The following ZCCHC10 variants were observed in gnomAD, a reference collection of about 807,000 sequenced individuals.
ZCCHC10 encodes the protein zinc finger CCHC domain-containing protein 10.
Under a neutral mutation model 19.5 loss-of-function variants are expected in ZCCHC10, and 16 were observed. That is an observed-to-expected ratio of 0.82 (90% CI 0.56 to 1.25). The LOEUF is 1.25. Among genes scored for constraint, ZCCHC10 ranks in the 50% most tolerant of loss-of-function variants. The pLI is 0.00. For missense variants in ZCCHC10, 197 were observed against 201.0 expected, an observed-to-expected ratio of 0.98 and a Z score of 0.12; for synonymous variants, 67 against 72.5, an observed-to-expected ratio of 0.92 and a Z score of 0.38.
chr5:133,015,429 T>C (rs1273790841), intron 2 of ZCCHC10, among the ~76,000 whole-genome samples: 3 of 152,158 alleles, frequency 2.0e-5, no homozygotes, highest in African/African-American at 7.2e-5. Context: ...TAAAATATGT[T>C]CACAAATTTT....
intron 2 of ZCCHC10, among the ~76,000 whole-genome samples, chr5:133,018,163 G>C (rs1056272326): frequency 1.4e-5 from 2 of 138,106 alleles, no homozygotes; most frequent in South Asian, 4.6e-4. Context: ...AAAAAAAAAA[G>C]ACAAAATTAA....
At position 132,998,864 on chromosome 5, in the gene ZCCHC10, CAG is replaced by C; in HGVS notation, c.312-16_312-15del. The C allele has an allele frequency of 1.9e-6, 3 of 1,612,448 alleles. No homozygotes were observed. Among genetic ancestry groups the C allele is most frequent in the South Asian group, 2.2e-5 (2 of 90,844 alleles). Reference sequence around the variant, plus strand: ...ACACTCTTAGACCTATTAGACAATACAGAGTTATATACATGGGAAGGTGACAT... The same window carrying C: ...ACACTCTTAGACCTATTAGACAATACAGTTATATACATGGGAAGGTGACAT... On this transcript the variant is annotated splice_polypyrimidine_tract_variant and intron_variant, in intron 4 of 4. Coordinates refer to ENST00000509437, the MANE Select transcript of ZCCHC10 (RefSeq NM_001300816.3).
chr5:133,021,526 T>C (rs1486861186), intron 2 of ZCCHC10, among the ~76,000 whole-genome samples: 1 of 152,214 alleles, frequency 6.6e-6, no homozygotes, highest in East Asian at 1.9e-4. Context: ...GGTTGATCTG[T>C]ACACTCAATG....
intron 2 of ZCCHC10, among the ~76,000 whole-genome samples, chr5:133,007,614 C>T (rs928228942): frequency 5.9e-5 from 9 of 151,910 alleles, no homozygotes; most frequent in African/African-American, 1.9e-4. Flanking sequence ...TTGCTGCCGT[C>T]CATGTAAGAT....
rs567424776 is a variant in ZCCHC10, at chr5:133,008,537, CA to C, written c.108-1618del. The stretch of plus-strand genomic sequence containing the variant: ...TGGGCAACAGGGTGAGACTCCATCT[CA>C]AAAAAAAAAAAAAAAAATCAGAGAA... On this transcript the variant is annotated intron_variant, in intron 2 of 4. Transcript: ENST00000509437. Among the ~76,000 whole-genome samples the C allele has an allele frequency of 4.5e-3, 447 of 98,426 alleles. 2 individuals are homozygous for C. The highest frequency in any genetic ancestry group is 0.01 in the African/African-American group (250 of 24,990). The allele number at this position is 98,426 out of a possible 152,430, so 64.6% of individuals were successfully genotyped here.
chr5:133,010,672 T>G (rs769624163), intron 2 of ZCCHC10, among the ~76,000 whole-genome samples: 1 of 152,162 alleles, frequency 6.6e-6, no homozygotes, highest in Non-Finnish European at 1.5e-5. Flanking sequence ...GGTCTCCTTA[T>G]GTTGCCCAGG....
chr5:133,013,021 A>C (rs1422310941), intron 2 of ZCCHC10, among the ~76,000 whole-genome samples: 2 of 151,216 alleles, frequency 1.3e-5, no homozygotes, highest in Admixed American at 1.3e-4. Flanking sequence ...ACTGCACTCC[A>C]GCCTGGGTGA....
intron 2 of ZCCHC10, among the ~76,000 whole-genome samples, chr5:133,019,548 T>C (rs183790443): frequency 1.3e-5 from 2 of 152,304 alleles, no homozygotes; most frequent in East Asian, 1.9e-4. Context: ...TTAATGCCTA[T>C]TGTTGGCAAA....
chr5:133,016,733 G>A lies in ZCCHC10; in HGVS notation c.107+6108C>T, dbSNP rs943712342. ...GCTGGGATTATAGGTGTGACCCACC[G>A]CGCACAGCTATTTTTCTCTTCTATA... On this transcript the variant is annotated intron_variant, in intron 2 of 4. Transcript: ENST00000509437. Among the ~76,000 whole-genome samples the A allele has an allele frequency of 8.5e-5, 13 of 152,218 alleles. No homozygotes were observed. In the South Asian group the frequency reaches 1.2e-3, roughly 15 times the overall value.
intron 4 of ZCCHC10, 26 bp from the exon 5 acceptor site, chr5:132,998,876 C>A: frequency 6.3e-7 from 1 of 1,598,534 alleles, no homozygotes; most frequent in Non-Finnish European, 8.5e-7. Context: ...GAGTTATATA[C>A]ATGGGAAGGT....
At chr5:133,026,461 A>G (rs1339035635) in intron 1 of ZCCHC10, 36 bp downstream of exon 1, 1 of 1,611,390 alleles carries the variant, frequency 6.2e-7, no homozygotes, top group Non-Finnish European at 8.5e-7. Context: ...CCCCGCTCCC[A>G]GCCCTCCAGT....
intron 2 of ZCCHC10, among the ~76,000 whole-genome samples, chr5:133,016,123 C>T (rs772478148): frequency 2.0e-5 from 3 of 152,096 alleles, no homozygotes; most frequent in African/African-American, 7.2e-5. Flanking sequence ...AAAATATAGG[C>T]TCAGTTTGTA....
At chr5:133,022,793 T>C (rs564151225) in intron 2 of ZCCHC10, 48 bp downstream of exon 2, 1 of 500,252 alleles carries the variant, frequency 2.0e-6, no homozygotes, top group African/African-American at 2.0e-5. Context: ...AGGACACAAA[T>C]GTACATATTT....
intron 3 of ZCCHC10, among the ~76,000 whole-genome samples, chr5:133,005,541 G>A (rs1763065101): frequency 6.6e-6 from 1 of 152,200 alleles, no homozygotes; most frequent in South Asian, 2.1e-4. Context: ...TTGAACCCAG[G>A]AGGTGGAGGT....
intron 1 of ZCCHC10, among the ~76,000 whole-genome samples, chr5:133,023,634 C>T (rs1413444904): frequency 4.0e-5 from 6 of 151,542 alleles, no homozygotes; most frequent in Admixed American, 2.0e-4. Context: ...ATTAGCCAGG[C>T]GGGTAGCACA....
Position 133,022,890 on chromosome 5 carries a change from G to A in ZCCHC10, c.58C>T (p.Gln20Ter), listed in dbSNP as rs1476069563. The change falls in exon 2 of 5, where the codon CAG becomes TAG. Residue 20 changes from glutamine (Q) to a stop codon, truncating the protein, a stop_gained. Transcript: ENST00000509437. LOFTEE classifies it high-confidence loss of function. ...ARRQAFDTEL[Q>*]PVKTFWILIQ... Reference sequence around the variant, plus strand: ...AGGATCCAAAAGGTCTTGACAGGCTGCAACTCTGTGTCGAATCTAACAAGA... The same window carrying A: ...AGGATCCAAAAGGTCTTGACAGGCTACAACTCTGTGTCGAATCTAACAAGA... 3 of 607,820 alleles carry A rather than the reference G, an allele frequency of 4.9e-6. No homozygotes were observed. The East Asian group carries it at 9.3e-5, about 19-fold the overall frequency. The allele number at this position is 607,820 out of a possible 1,614,324, so 37.7% of individuals were successfully genotyped here. A position where few individuals can be genotyped will look rare whatever the true frequency, so the allele number is the denominator to read the frequency against.
At chr5:133,005,132 T>C (rs1267901364) in intron 3 of ZCCHC10, among the ~76,000 whole-genome samples, 2 of 151,622 alleles carry the variant, frequency 1.3e-5, no homozygotes, top group East Asian at 4.0e-4. Flanking sequence ...ACCCAGTCTC[T>C]ACTAAAAATA....
chr5:133,012,879 T>C (rs1173306281), intron 2 of ZCCHC10, among the ~76,000 whole-genome samples: 7 of 151,756 alleles, frequency 4.6e-5, no homozygotes, highest in African/African-American at 1.2e-4. Context: ...TGAAACCCCG[T>C]CTCTATTAAA....
chr5:133,012,453 G>A lies in ZCCHC10; in HGVS notation c.108-5533C>T, dbSNP rs142832296. ...ACTGCACTCCAGCCTAGGCAACAGA[G>A]TGAGACTCCATCTCAAAGAAAAAAA... On this transcript the variant is annotated intron_variant, in intron 2 of 4. Coordinates refer to ENST00000509437, the MANE Select transcript of ZCCHC10 (RefSeq NM_001300816.3). 3.0e-3 allele frequency among the ~76,000 whole-genome samples: 447 copies of A among 148,084 alleles called. 2 individuals are homozygous for A. Among genetic ancestry groups the A allele is most frequent in the African/African-American group, 0.011 (417 of 39,356 alleles).
Sources: allele counts gnomAD v4.1 joint callset (sites outside exome capture counted in the v4.1 genomes callset), GRCh38; gene constraint gnomAD v4.1.1; transcripts MANE v1.5; gene names NCBI Gene and HGNC (gene_info 2026-07-23, HGNC 2026-07-21).